The following GSR variants were observed in gnomAD, a reference collection of about 807,000 sequenced individuals.
The protein encoded by GSR is glutathione reductase, mitochondrial.
GSR carries 48 observed loss-of-function variants against 56.5 expected under a neutral mutation model. That is an observed-to-expected ratio of 0.85 (90% CI 0.67 to 1.08). The LOEUF (loss-of-function observed/expected upper bound fraction) is 1.08. GSR is among the 50% of genes least tolerant of loss of function. The pLI is 0.00. For synonymous variants in GSR, 264 were observed against 270.8 expected (o/e 0.97, Z 0.25); for missense variants, 694 against 703.3 (o/e 0.99, Z 0.15).
At chr8:30,684,607 G>A (rs544872461) in intron 9 of GSR, among the ~76,000 whole-genome samples, 1 of 152,126 alleles carries the variant, frequency 6.6e-6, no homozygotes, top group East Asian at 1.9e-4. Context: ...CAATTCAACT[G>A]GCCAGGCAGA....
chr8:30,715,708 C>T (rs896129584), intron 1 of GSR, among the ~76,000 whole-genome samples: 12 of 152,166 alleles, frequency 7.9e-5, no homozygotes, highest in African/African-American at 2.7e-4. Flanking sequence ...TACATAAATA[C>T]TGCTGGTCTT....
At chr8:30,689,675 G>A (rs907192845) in intron 8 of GSR, among the ~76,000 whole-genome samples, 5 of 150,732 alleles carry the variant, frequency 3.3e-5, no homozygotes, top group African/African-American at 1.2e-4. Context: ...AGTAGGCCAC[G>A]GCAGCATCAC....
intron 7 of GSR, among the ~76,000 whole-genome samples, chr8:30,694,632 A>C (rs1803487894): frequency 6.6e-6 from 1 of 151,568 alleles, no homozygotes; most frequent in Non-Finnish European, 1.5e-5. Context: ...CATCTCTAAA[A>C]ATATATAAAA....
chr8:30,711,725 T>A (rs1804150569), intron 2 of GSR, among the ~76,000 whole-genome samples: 1 of 151,938 alleles, frequency 6.6e-6, no homozygotes, highest in Admixed American at 6.6e-5. Context: ...CCCAGCTACT[T>A]GGGAGGCTGA....
chr8:30,703,015 C>G, intron 5 of GSR, 78 bp downstream of exon 5: 1 of 1,445,434 alleles, frequency 6.9e-7, no homozygotes, highest in Non-Finnish European at 9.7e-7. Flanking sequence ...TTAGGCAGAT[C>G]CCCTGGCATG....
chr8:30,682,440 G>A (rs937448001), intron 10 of GSR, among the ~76,000 whole-genome samples: 1 of 152,156 alleles, frequency 6.6e-6, no homozygotes, highest in African/African-American at 2.4e-5. Context: ...TTAAAATATC[G>A]TATAAAGTTA....
In GSR at chr8:30,727,669, G is replaced by A. The variant is rs1482849312; in HGVS notation, c.167C>T (p.Pro56Leu). The change falls in exon 1 of 13, where the codon CCG (proline) becomes CTG (leucine). Residue 56 changes from proline (P) to leucine (L), a missense_variant. Transcript: ENST00000221130. Reference protein sequence around the residue: ...CRQEPQPQGPPPAAGAVASYD... With the variant: ...CRQEPQPQGPLPAAGAVASYD... ...GGAGGCCACGGCGCCAGCAGCGGGC[G>A]GCGGGCCCTGCGGCTGCGGCTCCTG... 6.9e-7 allele frequency: 1 copy of A among 1,447,518 alleles called. No individual in the cohort carries two copies. 89.7% of individuals were successfully genotyped at this position (1,447,518 alleles called of 1,614,324 possible). A position where few individuals can be genotyped will look rare whatever the true frequency, so the allele number is the denominator to read the frequency against.
At chr8:30,709,731 C>T (rs1384150356) in intron 3 of GSR, 83 bp downstream of exon 3, 1 of 782,892 alleles carries the variant, frequency 1.3e-6, no homozygotes, top group African/African-American at 1.7e-5. Context: ...ATTCCTCCTC[C>T]ATCCCTAAAA....
Position 30,703,190 on chromosome 8 carries a change from C to A in GSR, c.543G>T (p.Lys181Asn). Residue 181 changes from lysine (K) to asparagine (N), a missense_variant, in exon 5 of 13, where the codon AAG becomes AAT. Lys to Asn is a moderately conservative substitution (Grantham distance 94). Coordinates refer to ENST00000221130, the MANE Select transcript of GSR (RefSeq NM_000637.5). ...TTTTCCCACTGACCTCTATTGTGGGCTTGGGATCACTCGTGAAGGCTGCAT... is the reference window on the plus strand; with the variant it reads ...TTTTCCCACTGACCTCTATTGTGGGATTGGGATCACTCGTGAAGGCTGCAT... The part of the protein sequence containing the change: ...RGHAAFTSDP[K>N]PTIEVSGKKY... 1.1e-5 allele frequency: 17 copies of A among 1,613,912 alleles called. No homozygotes were observed. Among genetic ancestry groups the A allele is most frequent in the Non-Finnish European group, 1.4e-5 (16 of 1,179,812 alleles).
chr8:30,686,504 G>A (rs753721124), intron 9 of GSR, among the ~76,000 whole-genome samples: 1 of 152,032 alleles, frequency 6.6e-6, no homozygotes, highest in Non-Finnish European at 1.5e-5. Context: ...GTAATACAGC[G>A]AGACCTTGTG....
chr8:30,714,782 C>T (rs1207771304), intron 1 of GSR, among the ~76,000 whole-genome samples: 1 of 152,182 alleles, frequency 6.6e-6, no homozygotes, highest in Non-Finnish European at 1.5e-5. Flanking sequence ...ATTCTCCTGC[C>T]TCAGCCTCCC....
rs71206279 is a variant in GSR, at chr8:30,692,196, C to CTTTTTTTTTTTTTTT, written c.882+758_882+772dup. Among the ~76,000 whole-genome samples the CTTTTTTTTTTTTTTT allele has an allele frequency of 1.2e-4, 9 of 76,434 alleles. 1 individual carries two copies. The highest frequency in any genetic ancestry group is 2.2e-4 in the Admixed American group (1 of 4,572). The allele number at this position is 76,434 out of a possible 152,430, so 50.1% of individuals were successfully genotyped here. On this transcript the variant is annotated intron_variant, in intron 8 of 12. Coordinates refer to ENST00000221130, the MANE Select transcript of GSR (RefSeq NM_000637.5). Reference sequence around the variant, plus strand: ...CTTCAAGGCTGAATGTAAAATACAGCTTTTTTTTTTTTTTTTTTTTTTTTT... The same window carrying CTTTTTTTTTTTTTTT: ...CTTCAAGGCTGAATGTAAAATACAGCTTTTTTTTTTTTTTTTTTTTTTTTTTTTTTTTTTTTTTTT...
At chr8:30,708,839 G>T (rs1179903405) in intron 3 of GSR, among the ~76,000 whole-genome samples, 2 of 151,560 alleles carry the variant, frequency 1.3e-5, no homozygotes, top group African/African-American at 4.9e-5. Context: ...GGTGCCTGTA[G>T]TCCCAGCTAC....
intron 1 of GSR, 73 bp downstream of exon 1, chr8:30,727,457 A>G: frequency 7.3e-7 from 1 of 1,365,276 alleles, no homozygotes; most frequent in Non-Finnish European, 1.0e-6. Flanking sequence ...CGCCATAGGA[A>G]CGAGCACAGG....
chr8:30,721,429 T>C (rs1316788700), intron 1 of GSR, among the ~76,000 whole-genome samples: 1 of 152,148 alleles, frequency 6.6e-6, no homozygotes, highest in Non-Finnish European at 1.5e-5. Context: ...GGTGGGCGGA[T>C]CACTTGAAGT....
In GSR at chr8:30,727,716, G is replaced by A; in HGVS notation, c.120C>T (p.Leu40=). ...LPEPAALTRA[L]SRAMACRQEP... ...CCTGCCTGCAGGCCATGGCACGGGA[G>A]AGGGCGCGCGTGAGGGCCGCGGGCT... is the stretch of plus-strand genomic sequence containing the variant. Residue 40 remains leucine, a synonymous_variant, in exon 1 of 13, where the codon CTC becomes CTT. Transcript: ENST00000221130. The A allele has an allele frequency of 7.1e-7, 1 of 1,411,346 alleles. No homozygotes were observed. The highest frequency in any genetic ancestry group is 9.2e-7 in the Non-Finnish European group (1 of 1,088,902). 87.4% of individuals were successfully genotyped at this position (1,411,346 alleles called of 1,614,324 possible).
chr8:30,727,576 C>G lies in GSR; in HGVS notation c.260G>C (p.Gly87Ala). Reference sequence around the variant, plus strand: ...GCTCTCCACCACGGCGGCCCTGGCACCCAGCTCGGCCGCCCTGCGCGCGCT... The same window carrying G: ...GCTCTCCACCACGGCGGCCCTGGCAGCCAGCTCGGCCGCCCTGCGCGCGCT... ...LASARRAAELGARAAVVESHK... is the reference protein window; with the variant it reads ...LASARRAAELAARAAVVESHK... Residue 87 changes from glycine to alanine, a missense_variant, in exon 1 of 13, where the codon GGT (glycine) becomes GCT (alanine). Coordinates refer to ENST00000221130, the MANE Select transcript of GSR (RefSeq NM_000637.5). 6.5e-7 allele frequency: 1 copy of G among 1,532,914 alleles called. No individual in the cohort carries two copies. Among genetic ancestry groups the G allele is most frequent in the Non-Finnish European group, 8.7e-7 (1 of 1,144,130 alleles). The allele number at this position is 1,532,914 out of a possible 1,614,324, so 95.0% of individuals were successfully genotyped here. A position where few individuals can be genotyped will look rare whatever the true frequency, so the allele number is the denominator to read the frequency against.
Position 30,684,120 on chromosome 8 carries a change from C to G in GSR, c.1121G>C (p.Gly374Ala), listed in dbSNP as rs1586033745. 1.2e-6 allele frequency: 2 copies of G among 1,602,564 alleles called. No individual in the cohort carries two copies. The highest frequency in any genetic ancestry group is 1.7e-6 in the Non-Finnish European group (2 of 1,169,464). Reference protein sequence around the residue: ...NTNVKGIYAVGDVCGKALLTP... With the variant: ...NTNVKGIYAVADVCGKALLTP... The stretch of plus-strand genomic sequence containing the variant: ...AAGAAGAGCTTTTCCACATACATCC[C>G]CAACTGCATAGATGCCTTTGACGTT... Residue 374 changes from glycine to alanine, a missense_variant, in exon 10 of 13, where the codon GGG (glycine) becomes GCG (alanine). Physicochemically the swap from Gly to Ala is moderately conservative, Grantham distance 60 (BLOSUM62 0). Transcript: ENST00000221130.
Position 30,718,999 on chromosome 8 carries a change from G to A in GSR, c.307-6911C>T, listed in dbSNP as rs528645168. Among the ~76,000 whole-genome samples, 241 of 151,800 alleles carry A rather than the reference G, an allele frequency of 1.6e-3. 1 individual carries two copies. The highest frequency in any genetic ancestry group is 5.1e-3 in the African/African-American group (209 of 41,314). ...AGCTGGAGTCCAGTGGTGCCATCTCGGTTCATCACAACCTCTGCCTCCTGA... is the reference window on the plus strand; with the variant it reads ...AGCTGGAGTCCAGTGGTGCCATCTCAGTTCATCACAACCTCTGCCTCCTGA... On this transcript the variant is annotated intron_variant, in intron 1 of 12. Transcript: ENST00000221130.
Sources: gnomAD v4.1 joint callset for allele counts (sites outside exome capture counted in the v4.1 genomes callset) on GRCh38, gnomAD v4.1.1 for gene constraint, MANE v1.5 for transcripts, NCBI Gene and HGNC (gene_info 2026-07-23, HGNC 2026-07-21) for gene names.